The following SYNPR variants were observed in gnomAD, a reference collection of about 807,000 sequenced individuals.
SYNPR encodes synaptoporin.
In SYNPR, 23 loss-of-function variants were observed where a neutral mutation model predicts 32.9. The ratio of observed to expected loss-of-function variants is 0.70; its 90% CI spans 0.50 to 0.99. The LOEUF is 0.99. Among genes scored for constraint, SYNPR ranks in the 50% least tolerant of loss-of-function variants. The pLI is 0.00. For missense variants in SYNPR, 318 were observed against 349.3 expected, an observed-to-expected ratio of 0.91 and a Z score of 0.71; for synonymous variants, 146 against 135.9, an observed-to-expected ratio of 1.07 and a Z score of -0.52.
chr3:63,594,584 T>A (rs1351216398), intron 4 of SYNPR, among the ~76,000 whole-genome samples: 1 of 152,166 alleles, frequency 6.6e-6, no homozygotes, highest in Non-Finnish European at 1.5e-5. Flanking sequence ...CCTTTCAAAC[T>A]GGGTTTAAGT....
intron 2 of SYNPR, among the ~76,000 whole-genome samples, chr3:63,398,524 T>C (rs112188509): frequency 1.3e-4 from 20 of 151,126 alleles, no homozygotes; most frequent in African/African-American, 4.4e-4. Context: ...ATCGAGACCA[T>C]GGTGAAACCC....
chr3:63,484,284 G>C (rs1014377145), intron 3 of SYNPR, among the ~76,000 whole-genome samples: 2 of 151,970 alleles, frequency 1.3e-5, no homozygotes, highest in African/African-American at 4.8e-5. Context: ...TTACTTAACT[G>C]TTTTCTCATC....
chr3:63,316,047 A>G (rs2087039980), intron 2 of SYNPR, among the ~76,000 whole-genome samples: 1 of 151,938 alleles, frequency 6.6e-6, no homozygotes, highest in African/African-American at 2.4e-5. Context: ...ACATTTATTG[A>G]CTTGCATATG....
intron 2 of SYNPR, among the ~76,000 whole-genome samples, chr3:63,363,871 A>G (rs2087695205): frequency 6.6e-6 from 1 of 152,020 alleles, no homozygotes; most frequent in African/African-American, 2.4e-5. Flanking sequence ...TCTTTTTATA[A>G]CCTCCCAAAA....
rs776548588 is a variant in SYNPR at position 63,278,698 on chromosome 3, C to T, written c.40C>T (p.Arg14Trp). 4.4e-5 allele frequency: 68 copies of T among 1,551,528 alleles called. No homozygotes were observed. The highest frequency in any genetic ancestry group is 5.7e-5 in the Non-Finnish European group (65 of 1,146,978). Residue 14 changes from arginine (R) to tryptophan (W), a missense_variant, in exon 2 of 6, where the codon CGG (arginine) becomes TGG (tryptophan). Coordinates refer to ENST00000478300, the MANE Select transcript of SYNPR (RefSeq NM_001130003.2). Reference protein sequence around the residue: ...VSQLASAGTFRVLKEPLAFLR... With the variant: ...VSQLASAGTFWVLKEPLAFLR... ...AAAGCTGGCCTCTGCGGGCACCTTCCGGGTGCTGAAGGAGCCCCTTGCCTT... is the reference window on the plus strand; with the variant it reads ...AAAGCTGGCCTCTGCGGGCACCTTCTGGGTGCTGAAGGAGCCCCTTGCCTT...
intron 2 of SYNPR, among the ~76,000 whole-genome samples, chr3:63,439,188 A>G (rs1700129767): frequency 1.3e-5 from 2 of 152,232 alleles, no homozygotes. Context: ...CTGAAAGATC[A>G]CAGTTGAAGC....
chr3:63,290,136 C>CA (rs1172970831), intron 2 of SYNPR, among the ~76,000 whole-genome samples: 1 of 147,154 alleles, frequency 6.8e-6, no homozygotes, highest in Non-Finnish European at 1.5e-5. Flanking sequence ...TCTCAAAAAA[C>CA]AAAAAAACTC....
intron 2 of SYNPR, among the ~76,000 whole-genome samples, chr3:63,257,236 C>T (rs1450014398): frequency 1.3e-5 from 2 of 152,050 alleles, no homozygotes; most frequent in Admixed American, 6.5e-5. Flanking sequence ...AGATACTCCT[C>T]GAGAAGAGTA....
the SYNPR span, among the ~76,000 whole-genome samples, chr3:63,209,305 G>C: frequency 2.8e-4 from 30 of 106,964 alleles, no homozygotes; most frequent in Middle Eastern, 0.012. Flanking sequence ...GTGACAGCGA[G>C]ACTCCGTCTC....
intron 3 of SYNPR, among the ~76,000 whole-genome samples, chr3:63,504,154 T>A (rs954831757): frequency 3.3e-5 from 5 of 152,142 alleles, no homozygotes; most frequent in African/African-American, 9.7e-5. Flanking sequence ...ATGCTGATAA[T>A]GTTTTAAATT....
intron 3 of SYNPR, among the ~76,000 whole-genome samples, chr3:63,543,832 C>T (rs1702350793): frequency 6.6e-6 from 1 of 152,078 alleles, no homozygotes; most frequent in African/African-American, 2.4e-5. Context: ...TTGCTTTTCA[C>T]TCTCTAGAAT....
At chr3:63,577,872 C>T (rs1441851058) in intron 4 of SYNPR, among the ~76,000 whole-genome samples, 1 of 152,024 alleles carries the variant, frequency 6.6e-6, no homozygotes, top group Non-Finnish European at 1.5e-5. Context: ...AGCAAGCCTG[C>T]GTTTTTAAAA....
At chr3:63,307,129 A>C (rs2086916999) in intron 2 of SYNPR, among the ~76,000 whole-genome samples, 1 of 152,006 alleles carries the variant, frequency 6.6e-6, no homozygotes, top group South Asian at 2.1e-4. Flanking sequence ...TGTCCAAATT[A>C]GTTTTCACAA....
intron 4 of SYNPR, among the ~76,000 whole-genome samples, chr3:63,582,649 G>A (rs1349641288): frequency 1.3e-5 from 2 of 152,012 alleles, no homozygotes; most frequent in African/African-American, 2.4e-5. Flanking sequence ...GATAAGATAT[G>A]ACACAGGAAT....
At chr3:63,587,389 G>T (rs551348623) in intron 4 of SYNPR, among the ~76,000 whole-genome samples, 1 of 152,188 alleles carries the variant, frequency 6.6e-6, no homozygotes, top group African/African-American at 2.4e-5. Context: ...CCATCATCAG[G>T]TTTGCTTCTT....
intron 4 of SYNPR, among the ~76,000 whole-genome samples, chr3:63,581,328 G>C (rs1026295117): frequency 8.5e-5 from 13 of 152,132 alleles, no homozygotes; most frequent in African/African-American, 3.1e-4. Context: ...GTTGGGGACA[G>C]GGGTAGGTGG....
intron 3 of SYNPR, among the ~76,000 whole-genome samples, chr3:63,538,728 A>G (rs1702252454): frequency 6.6e-6 from 1 of 152,072 alleles, no homozygotes; most frequent in Non-Finnish European, 1.5e-5. Context: ...ATGGACATGC[A>G]TGAAGCAGAG....
intron 2 of SYNPR, among the ~76,000 whole-genome samples, chr3:63,349,075 G>A (rs778008869): frequency 1.3e-5 from 2 of 151,840 alleles, no homozygotes; most frequent in Non-Finnish European, 2.9e-5. Flanking sequence ...TCTATAGATT[G>A]CTTTGGGCAG....
At chr3:63,414,353 T>G (rs1259839708) in intron 2 of SYNPR, among the ~76,000 whole-genome samples, 1 of 152,214 alleles carries the variant, frequency 6.6e-6, no homozygotes, top group East Asian at 1.9e-4. Context: ...TCTTACTTTT[T>G]GGAGTTTTAT....
Sources: allele counts gnomAD v4.1 joint callset (sites outside exome capture counted in the v4.1 genomes callset), GRCh38; gene constraint gnomAD v4.1.1; transcripts MANE v1.5; gene names NCBI Gene and HGNC (gene_info 2026-07-23, HGNC 2026-07-21).